CCDC85C: variants seen among roughly 807,000 people sequenced by gnomAD.
CCDC85C encodes coiled-coil domain containing 85C.
Under a neutral mutation model 38.3 loss-of-function variants are expected in CCDC85C, and 18 were observed. The observed-to-expected ratio is 0.47, with a 90% CI of 0.33 to 0.70. The LOEUF is 0.70. Among genes scored for constraint, CCDC85C ranks in the 30% least tolerant of loss-of-function variants. The pLI, the probability that CCDC85C is intolerant of heterozygous loss-of-function variation, is 0.03. For synonymous variants in CCDC85C, 264 were observed against 293.8 expected, an observed-to-expected ratio of 0.90 and a Z score of 1.04; for missense variants, 566 against 621.2, an observed-to-expected ratio of 0.91 and a Z score of 0.94.
At chr14:99,573,036 C>CA (rs1332432051) in intron 1 of CCDC85C, 18 of 342,678 alleles carry the variant, frequency 5.3e-5, no homozygotes, top group Non-Finnish European at 9.8e-5. Flanking sequence ...AGGCAGAGAA[C>CA]AGAGCCTGGT....
Position 99,510,401 on chromosome 14 carries a change from G to C in CCDC85C, c.*4845C>G. ...GCCTGCAGTCCATGATGAAGACCGA[G>C]GGACCCTCCTACGGTGCCCTGCCCC... On this transcript the variant is annotated 3_prime_UTR_variant, in exon 6 of 6. Coordinates refer to ENST00000380243, the MANE Select transcript of CCDC85C (RefSeq NM_001144995.2). 1 of 1,560,598 alleles carries C rather than the reference G, an allele frequency of 6.4e-7. No homozygotes were observed. Among genetic ancestry groups the C allele is most frequent in the Non-Finnish European group, 8.7e-7 (1 of 1,154,300 alleles).
chr14:99,503,029 T>C lies in CCDC85C; in HGVS notation c.*12217A>G. The C allele has an allele frequency of 1.9e-6, 3 of 1,602,118 alleles. No homozygotes were observed. The highest frequency in any genetic ancestry group is 2.6e-6 in the Non-Finnish European group (3 of 1,169,424). ...CCCTGGGTAGAGCAGGCTTTCCAGG[T>C]GGCGGCAACACCTGAGCACTGTTCC... On this transcript the variant is annotated 3_prime_UTR_variant, in exon 6 of 6. Coordinates refer to ENST00000380243, the MANE Select transcript of CCDC85C (RefSeq NM_001144995.2).
At chr14:99,550,840 G>A (rs894169947) in intron 1 of CCDC85C, among the ~76,000 whole-genome samples, 1 of 152,166 alleles carries the variant, frequency 6.6e-6, no homozygotes, top group African/African-American at 2.4e-5. Context: ...TGACCATGGG[G>A]ACAGCGGTAC....
intron 1 of CCDC85C, among the ~76,000 whole-genome samples, chr14:99,602,903 C>A (rs1335202719): frequency 1.3e-5 from 2 of 152,228 alleles, no homozygotes; most frequent in Non-Finnish European, 2.9e-5. Flanking sequence ...GCAACTACAC[C>A]CGCTAGAAAC....
In CCDC85C at chr14:99,571,345, G is replaced by GTAGTAATAATAATAA. The variant is rs35376895; in HGVS notation, c.793+31821_793+31822insTTATTATTATTACTA. 1.1e-3 allele frequency among the ~76,000 whole-genome samples: 166 copies of GTAGTAATAATAATAA among 149,960 alleles called. 1 individual carries two copies. Among genetic ancestry groups the GTAGTAATAATAATAA allele is most frequent in the African/African-American group, 3.9e-3 (158 of 40,612 alleles). On this transcript the variant is annotated intron_variant, in intron 1 of 5. Coordinates refer to ENST00000380243, the MANE Select transcript of CCDC85C (RefSeq NM_001144995.2). ...AGCCACAGCAGCAATAGTAGTAGTA[G>GTAGTAATAATAATAA]TAATAATAATAATAATAATAATAAT...
chr14:99,527,171 T>C (rs1897401608), intron 2 of CCDC85C, among the ~76,000 whole-genome samples: 2 of 152,202 alleles, frequency 1.3e-5, no homozygotes, highest in Admixed American at 1.3e-4. Context: ...CCGTCAGTCA[T>C]GCCTGTGGGC....
chr14:99,592,645 C>A (rs561880786), intron 1 of CCDC85C, among the ~76,000 whole-genome samples: 200 of 152,310 alleles, frequency 1.3e-3, no homozygotes, highest in Non-Finnish European at 2.2e-3. Flanking sequence ...TGGGATTGCC[C>A]AGGGCCAAGG....
chr14:99,596,616 G>A (rs950613802), intron 1 of CCDC85C, among the ~76,000 whole-genome samples: 1 of 152,246 alleles, frequency 6.6e-6, no homozygotes, highest in Non-Finnish European at 1.5e-5. Flanking sequence ...GACAGGGGAT[G>A]TATGAGTGTC....
At chr14:99,571,345 GTAA>G (rs3070433) in intron 1 of CCDC85C, among the ~76,000 whole-genome samples, 111 of 149,944 alleles carry the variant, frequency 7.4e-4, no homozygotes, top group African/African-American at 2.4e-3. Context: ...AGTAGTAGTA[GTAA>G]TAATAATAAT....
chr14:99,560,978 A>T (rs1898106129), intron 1 of CCDC85C, among the ~76,000 whole-genome samples: 1 of 152,202 alleles, frequency 6.6e-6, no homozygotes, highest in South Asian at 2.1e-4. Flanking sequence ...TGTGTCCACT[A>T]GAAGCCTGGG....
intron 1 of CCDC85C, among the ~76,000 whole-genome samples, chr14:99,574,452 G>A (rs1898427900): frequency 6.6e-6 from 1 of 151,980 alleles, no homozygotes; most frequent in East Asian, 1.9e-4. Flanking sequence ...CCTCCCACAT[G>A]CTCCCCTCAC....
chr14:99,594,649 T>C lies in CCDC85C; in HGVS notation c.793+8518A>G, dbSNP rs187088521. 1.3e-4 allele frequency among the ~76,000 whole-genome samples: 20 copies of C among 152,286 alleles called. No individual in the cohort carries two copies. The East Asian group carries it at 3.7e-3, about 28-fold the overall frequency. Reference sequence around the variant, plus strand: ...TGGGCAGGGGAGGCCACCCCTTCCTTGTGGCTCTGAGTCAAAGGGCCAGAA... The same window carrying C: ...TGGGCAGGGGAGGCCACCCCTTCCTCGTGGCTCTGAGTCAAAGGGCCAGAA... On this transcript the variant is annotated intron_variant, in intron 1 of 5. Coordinates refer to ENST00000380243, the MANE Select transcript of CCDC85C (RefSeq NM_001144995.2).
At chr14:99,556,126 AC>A (rs1372331484) in intron 1 of CCDC85C, among the ~76,000 whole-genome samples, 1 of 152,266 alleles carries the variant, frequency 6.6e-6, no homozygotes, top group African/African-American at 2.4e-5. Context: ...GCATTAGAAA[AC>A]AATCACTCAG....
intron 1 of CCDC85C, among the ~76,000 whole-genome samples, chr14:99,592,948 C>T (rs1245825675): frequency 6.6e-6 from 1 of 152,248 alleles, no homozygotes; most frequent in Non-Finnish European, 1.5e-5. Flanking sequence ...GAGGGAGAAA[C>T]TAGCTTCTTA....
intron 1 of CCDC85C, among the ~76,000 whole-genome samples, chr14:99,547,714 T>C (rs1194589900): frequency 6.6e-6 from 1 of 151,540 alleles, no homozygotes; most frequent in Non-Finnish European, 1.5e-5. Flanking sequence ...GCGGAGGTTG[T>C]AGTAAGCCAA....
At position 99,517,144 on chromosome 14, in the gene CCDC85C, AG is replaced by A. The variant is rs1336006653; in HGVS notation, c.1014del (p.Ser339LeufsTer18). 1 of 1,550,008 alleles carries A rather than the reference AG, an allele frequency of 6.5e-7. No individual in the cohort carries two copies. The highest frequency in any genetic ancestry group is 2.0e-5 in the Admixed American group (1 of 50,938). On this transcript the variant is annotated frameshift_variant, in exon 4 of 6. Coordinates refer to ENST00000380243, the MANE Select transcript of CCDC85C (RefSeq NM_001144995.2). LOFTEE classifies it high-confidence loss of function. ...TGTCCTGCAGGGCTGTAGCCAGCAGAGGGGGGCGAGGGCAGCTCAGGTGCGG... is the reference window on the plus strand; with the variant it reads ...TGTCCTGCAGGGCTGTAGCCAGCAGAGGGGGCGAGGGCAGCTCAGGTGCGG... ...ACPAPELPSP[P>X]SAGYSPAGQK...
rs76989374 is a variant in CCDC85C, at chr14:99,569,738, C to T, written c.793+33429G>A. 5.0e-3 allele frequency among the ~76,000 whole-genome samples: 765 copies of T among 152,314 alleles called. 11 individuals are homozygous for T. Among genetic ancestry groups the T allele is most frequent in the African/African-American group, 0.017 (725 of 41,574 alleles). On this transcript the variant is annotated intron_variant, in intron 1 of 5. Coordinates refer to ENST00000380243, the MANE Select transcript of CCDC85C (RefSeq NM_001144995.2). This position sits in a 1 kb window ranked among gnomAD's most constrained non-coding sequence, Gnocchi z 4.3. The stretch of plus-strand genomic sequence containing the variant: ...TCCCCCCAACATGTCACACACCCCA[C>T]ATTTCAGGTGCAATGCTCCAAGGCG...
At chr14:99,580,242 G>A (rs889015813) in intron 1 of CCDC85C, 6 of 411,788 alleles carry the variant, frequency 1.5e-5, no homozygotes, top group African/African-American at 2.0e-5. Flanking sequence ...CACAGCCCAC[G>A]TGCACAGTGG....
In CCDC85C at chr14:99,510,975, G is replaced by T. The variant is rs1173701305; in HGVS notation, c.*4271C>A. 4 of 429,796 alleles carry T rather than the reference G, an allele frequency of 9.3e-6. No homozygotes were observed. Among genetic ancestry groups the T allele is most frequent in the Non-Finnish European group, 1.6e-5 (4 of 252,398 alleles). The allele number at this position is 429,796 out of a possible 1,614,324, so 26.6% of individuals were successfully genotyped here. On this transcript the variant is annotated 3_prime_UTR_variant, in exon 6 of 6. Transcript: ENST00000380243. ...AGGACGGGGACAACCAGCTTTCAGAGTAGCCTCATCAGTGCCCTTGCAGTC... is the reference window on the plus strand; with the variant it reads ...AGGACGGGGACAACCAGCTTTCAGATTAGCCTCATCAGTGCCCTTGCAGTC...
Sources: gnomAD v4.1 joint callset for allele counts (sites outside exome capture counted in the v4.1 genomes callset) on GRCh38, gnomAD v4.1.1 for gene constraint, Gnocchi (gnomAD v3.1) non-coding constraint, MANE v1.5 for transcripts, NCBI Gene and HGNC (gene_info 2026-07-23, HGNC 2026-07-21) for gene names.